The following SPIN1 variants were observed in gnomAD, a reference collection of about 807,000 sequenced individuals.
SPIN1 encodes spindlin 1.
SPIN1 carries 3 observed loss-of-function variants against 26.0 expected under a neutral mutation model. The observed-to-expected ratio is 0.12, with a 90% CI of 0.05 to 0.30. The LOEUF is 0.30. Among genes scored for constraint, SPIN1 ranks in the 10% least tolerant of loss-of-function variants. The pLI is 1.00. For synonymous variants in SPIN1, 101 were observed against 116.5 expected (o/e 0.87, Z 0.86); for missense variants, 126 against 333.4 (o/e 0.38, Z 4.84).
chr9:88,474,913 T>G (rs1828859238), intron 5 of SPIN1, among the ~76,000 whole-genome samples, 165 bp from the exon 6 acceptor site: 1 of 152,172 alleles, frequency 6.6e-6, no homozygotes, highest in African/African-American at 2.4e-5. Flanking sequence ...TGTCTTGTCT[T>G]TTACGAAAAC....
chr9:88,397,546 T>C (rs576907922), intron 1 of SPIN1, among the ~76,000 whole-genome samples: 2 of 152,238 alleles, frequency 1.3e-5, no homozygotes, highest in Admixed American at 6.6e-5. Flanking sequence ...TCTGTGTGCG[T>C]GCTTGCACAT....
intron 3 of SPIN1, among the ~76,000 whole-genome samples, chr9:88,455,191 G>A (rs572439926): frequency 4.7e-4 from 71 of 152,174 alleles, no homozygotes; most frequent in Non-Finnish European, 7.2e-4. Flanking sequence ...TCTGCCGGGC[G>A]CGGTGGCTCA....
intron 1 of SPIN1, among the ~76,000 whole-genome samples, chr9:88,392,739 CA>C (rs913254815): frequency 2.0e-5 from 3 of 152,096 alleles, no homozygotes; most frequent in African/African-American, 7.2e-5. Flanking sequence ...CCTACCTCAT[CA>C]GGGGTGAGCT....
intron 5 of SPIN1, 63 bp downstream of exon 5, chr9:88,468,668 A>G (rs1231059351): frequency 5.8e-6 from 6 of 1,031,772 alleles, no homozygotes; most frequent in East Asian, 2.9e-5. Flanking sequence ...TCAGTACAAG[A>G]TATTTGATTG....
chr9:88,424,719 G>A (rs1827733653), intron 1 of SPIN1, among the ~76,000 whole-genome samples: 1 of 152,170 alleles, frequency 6.6e-6, no homozygotes, highest in African/African-American at 2.4e-5. Context: ...TGGGATTATT[G>A]CAGTTATTGT....
At chr9:88,421,514 C>T (rs1014858413) in intron 1 of SPIN1, among the ~76,000 whole-genome samples, 22 of 152,092 alleles carry the variant, frequency 1.4e-4, no homozygotes, top group African/African-American at 5.3e-4. Context: ...CTCCTGGGCT[C>T]AAGTGATCTA....
intron 1 of SPIN1, among the ~76,000 whole-genome samples, chr9:88,399,011 G>A (rs1827129094): frequency 6.6e-6 from 1 of 151,768 alleles, no homozygotes; most frequent in Admixed American, 6.6e-5. Flanking sequence ...AGTTCACACA[G>A]TGTAGGAGGA....
intron 1 of SPIN1, among the ~76,000 whole-genome samples, chr9:88,400,289 C>T (rs990741560): frequency 3.3e-5 from 5 of 152,086 alleles, no homozygotes; most frequent in African/African-American, 9.7e-5. Flanking sequence ...AGTCAGGAGC[C>T]TGGAGGAGTA....
chr9:88,405,231 T>C (rs1442221479), intron 1 of SPIN1, among the ~76,000 whole-genome samples: 1 of 152,178 alleles, frequency 6.6e-6, no homozygotes, highest in Admixed American at 6.5e-5. Context: ...ACTATACTTT[T>C]TTTTGTTTGT....
chr9:88,419,149 AT>A (rs1207227752), intron 1 of SPIN1, among the ~76,000 whole-genome samples: 1 of 152,168 alleles, frequency 6.6e-6, no homozygotes, highest in Non-Finnish European at 1.5e-5. Flanking sequence ...TACTTTTAAA[AT>A]TAACTTCCTC....
chr9:88,439,064 C>T (rs1383064363), intron 2 of SPIN1, among the ~76,000 whole-genome samples: 1 of 152,084 alleles, frequency 6.6e-6, no homozygotes, highest in Non-Finnish European at 1.5e-5. Context: ...ATTTTTTTCT[C>T]ACCTAAAAAA....
chr9:88,441,811 TTATAAAA>T (rs1820369454), intron 2 of SPIN1, among the ~76,000 whole-genome samples: 4 of 148,454 alleles, frequency 2.7e-5, no homozygotes, highest in African/African-American at 2.5e-5. Flanking sequence ...TATTTTTGTA[TTATAAAA>T]TATAAAATAA....
intron 2 of SPIN1, among the ~76,000 whole-genome samples, chr9:88,447,897 G>T (rs977215521): frequency 1.3e-5 from 2 of 152,120 alleles, no homozygotes; most frequent in African/African-American, 4.8e-5. Flanking sequence ...TCTGCTCCCA[G>T]GTCCCACACA....
At chr9:88,455,668 G>T (rs1828456193) in intron 3 of SPIN1, among the ~76,000 whole-genome samples, 1 of 152,102 alleles carries the variant, frequency 6.6e-6, no homozygotes, top group Non-Finnish European at 1.5e-5. Flanking sequence ...TTTTACACTT[G>T]TGGGTTTTTA....
At chr9:88,463,780 A>C (rs1046444321) in intron 4 of SPIN1, among the ~76,000 whole-genome samples, 3 of 152,210 alleles carry the variant, frequency 2.0e-5, no homozygotes, top group African/African-American at 7.2e-5. Context: ...TCCTAAAAGT[A>C]ATATTAAGTC....
intron 1 of SPIN1, among the ~76,000 whole-genome samples, 197 bp from the exon 2 acceptor site, chr9:88,426,183 TAA>T: frequency 6.6e-6 from 1 of 152,338 alleles, no homozygotes; most frequent in South Asian, 2.1e-4. Flanking sequence ...CTTCTTTTTT[TAA>T]AGAGTCTATC....
chr9:88,478,474 C>G lies in SPIN1; in HGVS notation c.*3197C>G, dbSNP rs954774921. 1 of 152,628 alleles carries G rather than the reference C, an allele frequency of 6.6e-6. No homozygotes were observed. The highest frequency in any genetic ancestry group is 1.5e-5 in the Non-Finnish European group (1 of 68,036). 9.5% of individuals were successfully genotyped at this position (152,628 alleles called of 1,614,324 possible). On this transcript the variant is annotated 3_prime_UTR_variant, in exon 6 of 6. Coordinates refer to ENST00000375859, the MANE Select transcript of SPIN1 (RefSeq NM_006717.3). Reference sequence around the variant, plus strand: ...GAATGAATGTGTATAGGTCAGAGGTCTTCGTGTTCACATTTTAAAATTAGG... The same window carrying G: ...GAATGAATGTGTATAGGTCAGAGGTGTTCGTGTTCACATTTTAAAATTAGG...
At position 88,477,829 on chromosome 9, in the gene SPIN1, T is replaced by G. The variant is rs1828914430; in HGVS notation, c.*2552T>G. 1.3e-5 allele frequency: 2 copies of G among 152,320 alleles called. No individual in the cohort carries two copies. The highest frequency in any genetic ancestry group is 2.1e-4 in the South Asian group (1 of 4,828). 9.4% of individuals were successfully genotyped at this position (152,320 alleles called of 1,614,324 possible). ...CCTTTCTCATTTACCTGCTCTAGTA[T>G]TATTGTATTGTGTGTGCGTGCGTGT... is the stretch of plus-strand genomic sequence containing the variant. On this transcript the variant is annotated 3_prime_UTR_variant, in exon 6 of 6. Coordinates refer to ENST00000375859, the MANE Select transcript of SPIN1 (RefSeq NM_006717.3).
intron 4 of SPIN1, among the ~76,000 whole-genome samples, chr9:88,462,994 G>C (rs1828600563): frequency 6.6e-6 from 1 of 152,072 alleles, no homozygotes; most frequent in African/African-American, 2.4e-5. Flanking sequence ...TTATAATACG[G>C]TTATTTCTAA....
Sources: gnomAD v4.1 joint callset for allele counts (sites outside exome capture counted in the v4.1 genomes callset) on GRCh38, gnomAD v4.1.1 for gene constraint, MANE v1.5 for transcripts, NCBI Gene and HGNC (gene_info 2026-07-23, HGNC 2026-07-21) for gene names.